RTN1: variants seen among roughly 807,000 people sequenced by gnomAD.
RTN1 encodes the protein reticulon 1, also known as reticulon-1.
RTN1 carries 25 observed loss-of-function variants against 65.5 expected under a neutral mutation model. The ratio of observed to expected loss-of-function variants is 0.38; its 90% CI spans 0.28 to 0.53. The LOEUF is 0.53. Among genes scored for constraint, RTN1 ranks in the 20% least tolerant of loss-of-function variants. RTN1 has a pLI of 0.79. For synonymous variants in RTN1, 471 were observed against 447.6 expected (o/e 1.05, Z -0.66); for missense variants, 983 against 1,025.4 (o/e 0.96, Z 0.57).
intron 3 of RTN1, among the ~76,000 whole-genome samples, chr14:59,624,132 T>C (rs1882328952): frequency 6.6e-6 from 1 of 152,218 alleles, no homozygotes; most frequent in Non-Finnish European, 1.5e-5. Flanking sequence ...TTTGGCAACA[T>C]ATAAAATAAG....
At chr14:59,739,551 A>G (rs538951604) in intron 2 of RTN1, among the ~76,000 whole-genome samples, 1 of 151,528 alleles carries the variant, frequency 6.6e-6, no homozygotes. Flanking sequence ...AAAAAAAAAA[A>G]AAAAATGGGA....
chr14:59,616,074 A>G (rs940051729), intron 3 of RTN1, among the ~76,000 whole-genome samples: 3 of 152,288 alleles, frequency 2.0e-5, no homozygotes, highest in African/African-American at 7.2e-5. Flanking sequence ...TAGGTCCTCT[A>G]AAGTCCAAAA....
intron 1 of RTN1, among the ~76,000 whole-genome samples, chr14:59,759,392 A>G (rs977845542): frequency 1.3e-5 from 2 of 152,142 alleles, no homozygotes; most frequent in East Asian, 1.9e-4. Context: ...CGATTACCTA[A>G]TATCTTTGTG....
intron 1 of RTN1, among the ~76,000 whole-genome samples, chr14:59,840,710 T>C (rs1353081388): frequency 6.6e-6 from 1 of 152,246 alleles, no homozygotes; most frequent in Non-Finnish European, 1.5e-5. Flanking sequence ...TCGTCTTTCA[T>C]GGATGTGCCC....
intron 3 of RTN1, among the ~76,000 whole-genome samples, chr14:59,613,870 C>T (rs929799021): frequency 4.6e-5 from 7 of 152,004 alleles, no homozygotes; most frequent in Admixed American, 4.6e-4. Context: ...AAATCCCTCT[C>T]AAAATTAAAG....
chr14:59,821,963 C>T (rs940967656), intron 1 of RTN1, among the ~76,000 whole-genome samples: 1 of 152,040 alleles, frequency 6.6e-6, no homozygotes, highest in Non-Finnish European at 1.5e-5. Flanking sequence ...GGGATATTGG[C>T]CTGAGGTTTT....
intron 5 of RTN1, chr14:59,604,949 A>G (rs1881695920): frequency 6.5e-6 from 1 of 153,310 alleles, no homozygotes; most frequent in Non-Finnish European, 1.5e-5. Flanking sequence ...TACTATTAAT[A>G]TTAGTAGAAT....
intron 3 of RTN1, among the ~76,000 whole-genome samples, chr14:59,665,784 T>G (rs747395352): frequency 4.0e-5 from 6 of 151,220 alleles, no homozygotes; most frequent in Admixed American, 6.6e-5. Flanking sequence ...AAAGCAGGGG[T>G]TGCAATCCTA....
chr14:59,657,638 G>A (rs534003092), intron 3 of RTN1, among the ~76,000 whole-genome samples: 1 of 152,286 alleles, frequency 6.6e-6, no homozygotes, highest in South Asian at 2.1e-4. Flanking sequence ...GGAAGTGCAA[G>A]GGGTCAGGGA....
chr14:59,677,634 C>A (rs1455082614), intron 3 of RTN1, among the ~76,000 whole-genome samples: 1 of 152,062 alleles, frequency 6.6e-6, no homozygotes, highest in African/African-American at 2.4e-5. Flanking sequence ...GGTCCTGAGG[C>A]GGGAGATGCA....
At chr14:59,693,583 C>G (rs953507240) in intron 3 of RTN1, among the ~76,000 whole-genome samples, 1 of 152,146 alleles carries the variant, frequency 6.6e-6, no homozygotes, top group Non-Finnish European at 1.5e-5. Flanking sequence ...AGCTTAGCTC[C>G]CACTTATAAG....
At chr14:59,735,187 T>C (rs1452053076) in intron 2 of RTN1, among the ~76,000 whole-genome samples, 1 of 152,174 alleles carries the variant, frequency 6.6e-6, no homozygotes, top group East Asian at 1.9e-4. Flanking sequence ...AAGCGAATGC[T>C]GAGGGAATTA....
chr14:59,702,633 T>C (rs1025162378), intron 3 of RTN1, among the ~76,000 whole-genome samples: 16 of 152,190 alleles, frequency 1.1e-4, no homozygotes, highest in African/African-American at 3.9e-4. Flanking sequence ...AACCTGATCA[T>C]TTTTTCACTA....
chr14:59,848,343 A>C (rs1887445258), intron 1 of RTN1, among the ~76,000 whole-genome samples: 1 of 152,228 alleles, frequency 6.6e-6, no homozygotes, highest in Non-Finnish European at 1.5e-5. Flanking sequence ...AATTCTCAAG[A>C]TAATTGAATG....
chr14:59,699,333 T>C (rs773857688), intron 3 of RTN1, among the ~76,000 whole-genome samples: 2 of 152,074 alleles, frequency 1.3e-5, no homozygotes, highest in Admixed American at 1.3e-4. Flanking sequence ...GAATGTGTCC[T>C]GCAAATTTAT....
chr14:59,645,502 C>T (rs956261180), intron 3 of RTN1, among the ~76,000 whole-genome samples: 1 of 152,150 alleles, frequency 6.6e-6, no homozygotes, highest in Non-Finnish European at 1.5e-5. Flanking sequence ...CAGGTTCTCC[C>T]AGCCTGGGTC....
intron 3 of RTN1, among the ~76,000 whole-genome samples, chr14:59,725,518 C>A (rs1355659620): frequency 6.6e-6 from 1 of 152,166 alleles, no homozygotes; most frequent in Admixed American, 6.5e-5. Context: ...AGCAAAAAAA[C>A]CCAAAATGGT....
chr14:59,637,914 C>T (rs1463864466), intron 3 of RTN1, among the ~76,000 whole-genome samples: 5 of 151,776 alleles, frequency 3.3e-5, no homozygotes, highest in South Asian at 4.2e-4. Flanking sequence ...TGCAGTGGCG[C>T]GATCTCGGCT....
chr14:59,642,450 T>C (rs766265794), intron 3 of RTN1, among the ~76,000 whole-genome samples: 5 of 152,192 alleles, frequency 3.3e-5, no homozygotes, highest in Non-Finnish European at 7.4e-5. Flanking sequence ...ATTTTTCATA[T>C]GCTAGACCTT....
Sources: gnomAD v4.1 joint callset for allele counts (sites outside exome capture counted in the v4.1 genomes callset) on GRCh38, gnomAD v4.1.1 for gene constraint, MANE v1.5 for transcripts, NCBI Gene and HGNC (gene_info 2026-07-23, HGNC 2026-07-21) for gene names.